The following GGNBP2 variants were observed in gnomAD, a reference collection of about 807,000 sequenced individuals.
The protein encoded by GGNBP2 is gametogenetin binding protein 2.
GGNBP2 carries 10 observed loss-of-function variants against 85.9 expected under a neutral mutation model. That is an observed-to-expected ratio of 0.12 (90% CI 0.07 to 0.20). The LOEUF (loss-of-function observed/expected upper bound fraction) is 0.20. GGNBP2 is among the 10% of genes least tolerant of loss of function. The pLI is 1.00. For synonymous variants in GGNBP2, 287 were observed against 285.7 expected (o/e 1.00, Z -0.05); for missense variants, 595 against 857.8 (o/e 0.69, Z 3.83).
At chr17:36,545,325 G>T (rs532209210) in intron 1 of GGNBP2, among the ~76,000 whole-genome samples, 4 of 151,642 alleles carry the variant, frequency 2.6e-5, no homozygotes, top group African/African-American at 9.7e-5. Context: ...TCCTGGGGCC[G>T]GGACTCCTGC....
At chr17:36,558,671 G>A (rs1313900787) in intron 4 of GGNBP2, among the ~76,000 whole-genome samples, 1 of 151,420 alleles carries the variant, frequency 6.6e-6, no homozygotes, top group African/African-American at 2.4e-5. Flanking sequence ...GGCCATGTTG[G>A]TCTTGAACTC....
chr17:36,574,779 G>C, intron 6 of GGNBP2: 1 of 648,356 alleles, frequency 1.5e-6, no homozygotes, highest in East Asian at 2.7e-5. Context: ...ACAGAGCCGT[G>C]GTGGCCTGTC....
chr17:36,578,106 T>C lies in GGNBP2; in HGVS notation c.765T>C (p.His255=). 1 of 1,614,234 alleles carries C rather than the reference T, an allele frequency of 6.2e-7. No homozygotes were observed. The highest frequency in any genetic ancestry group is 8.5e-7 in the Non-Finnish European group (1 of 1,180,030). ...ALYEGLRCCP[H]ERHIHVCCET... Reference sequence around the variant, plus strand: ...ATGAAGGCTTGCGGTGCTGTCCACATGAACGACACATACATGTTTGCTGTG... The same window carrying C: ...ATGAAGGCTTGCGGTGCTGTCCACACGAACGACACATACATGTTTGCTGTG... The change falls in exon 7 of 14, where the codon CAT becomes CAC. Residue 255 remains histidine, a synonymous_variant. Transcript: ENST00000613102.
chr17:36,583,515 G>A (rs749618009), intron 9 of GGNBP2, among the ~76,000 whole-genome samples: 16 of 152,170 alleles, frequency 1.1e-4, no homozygotes, highest in South Asian at 4.1e-4. Context: ...CTGGATTGCA[G>A]TGGCACAATC....
At chr17:36,545,351 C>T (rs2074238945) in intron 1 of GGNBP2, among the ~76,000 whole-genome samples, 1 of 150,108 alleles carries the variant, frequency 6.7e-6, no homozygotes, top group African/African-American at 2.4e-5. Context: ...GCGGGGAAGC[C>T]CCCGGCAGGC....
chr17:36,550,955 A>C (rs898288253), intron 2 of GGNBP2, among the ~76,000 whole-genome samples: 2 of 152,190 alleles, frequency 1.3e-5, no homozygotes, highest in African/African-American at 4.8e-5. Context: ...GCATATAGTG[A>C]TTGGCCAGAA....
At chr17:36,566,142 C>T (rs907801406) in intron 5 of GGNBP2, among the ~76,000 whole-genome samples, 1 of 152,112 alleles carries the variant, frequency 6.6e-6, no homozygotes, top group African/African-American at 2.4e-5. Flanking sequence ...GTAATGAATT[C>T]CTTGGACTGT....
At chr17:36,556,471 T>G (rs186371189) in intron 3 of GGNBP2, among the ~76,000 whole-genome samples, 143 of 152,298 alleles carry the variant, frequency 9.4e-4, no homozygotes, top group African/African-American at 3.4e-3. Context: ...TTTGGGAGGC[T>G]GAGGCGGGTG....
At chr17:36,547,004 TAGA>T (rs558284473) in intron 2 of GGNBP2, 2 of 152,220 alleles carry the variant, frequency 1.3e-5, no homozygotes, top group African/African-American at 4.8e-5. Context: ...CTTAATTTAT[TAGA>T]AGTTTTTAAG....
Position 36,581,333 on chromosome 17 carries a change from T to C in GGNBP2, c.1021-11T>C, listed in dbSNP as rs762458925. 63 of 1,562,388 alleles carry C rather than the reference T, an allele frequency of 4.0e-5. No individual in the cohort carries two copies. The highest frequency in any genetic ancestry group is 5.5e-5 in the Non-Finnish European group (63 of 1,153,382). On this transcript the variant is annotated splice_polypyrimidine_tract_variant and intron_variant, in intron 8 of 13. Transcript: ENST00000613102. Reference sequence around the variant, plus strand: ...GACCAATATTCACCCTCAACCTTATTTTTATAATAGATGACCGTGGAAAAA... The same window carrying C: ...GACCAATATTCACCCTCAACCTTATCTTTATAATAGATGACCGTGGAAAAA...
At chr17:36,571,252 G>A (rs759414829) in intron 6 of GGNBP2, among the ~76,000 whole-genome samples, 34 of 152,062 alleles carry the variant, frequency 2.2e-4, no homozygotes, top group Admixed American at 2.1e-3. Flanking sequence ...GGGCAACATA[G>A]GGAGGCCCAT....
chr17:36,555,002 A>G (rs2074348566), intron 3 of GGNBP2, 102 bp downstream of exon 3: 3 of 685,550 alleles, frequency 4.4e-6, no homozygotes, highest in Non-Finnish European at 5.2e-6. Context: ...TCTAGGTCTT[A>G]ATATTGCACT....
At chr17:36,545,444 G>A in intron 1 of GGNBP2, 175 bp from the exon 2 acceptor site, 1 of 390,436 alleles carries the variant, frequency 2.6e-6, no homozygotes, top group South Asian at 7.0e-5. Context: ...GGAGCGCGGC[G>A]CGAGGGGGGC....
intron 6 of GGNBP2, chr17:36,575,396 G>T: frequency 3.7e-6 from 1 of 272,876 alleles, no homozygotes; most frequent in Admixed American, 5.1e-5. Flanking sequence ...TCATAGCCAG[G>T]AAATCATCAC....
At chr17:36,563,340 T>G (rs1366999930) in intron 5 of GGNBP2, among the ~76,000 whole-genome samples, 1 of 152,066 alleles carries the variant, frequency 6.6e-6, no homozygotes, top group African/African-American at 2.4e-5. Context: ...AAAAATACAA[T>G]GATTGAACCT....
chr17:36,568,512 G>C (rs1186877266), intron 6 of GGNBP2, among the ~76,000 whole-genome samples: 1 of 151,652 alleles, frequency 6.6e-6, no homozygotes, highest in Non-Finnish European at 1.5e-5. Context: ...GTTCAGGCTG[G>C]TCTCGAACTC....
At chr17:36,587,590 A>G (rs1385873946) in intron 13 of GGNBP2, 3 of 231,614 alleles carry the variant, frequency 1.3e-5, no homozygotes, top group Non-Finnish European at 2.6e-5. Flanking sequence ...AAGTTAAAAA[A>G]AAAAAATCCC....
chr17:36,580,231 G>A (rs568863696), intron 8 of GGNBP2, among the ~76,000 whole-genome samples: 7 of 142,270 alleles, frequency 4.9e-5, no homozygotes, highest in Non-Finnish European at 9.1e-5. Context: ...TTTTTGAGAC[G>A]GAGCCTCGCT....
intron 9 of GGNBP2, among the ~76,000 whole-genome samples, chr17:36,583,824 T>C (rs1177952107): frequency 6.6e-6 from 1 of 152,228 alleles, no homozygotes; most frequent in Non-Finnish European, 1.5e-5. Flanking sequence ...ATACTACACT[T>C]TGACCAGTGG....
Sources: gnomAD v4.1 joint callset for allele counts (sites outside exome capture counted in the v4.1 genomes callset) on GRCh38, gnomAD v4.1.1 for gene constraint, MANE v1.5 for transcripts, NCBI Gene and HGNC (gene_info 2026-07-23, HGNC 2026-07-21) for gene names.